The following AMOTL2 variants were observed in gnomAD, a reference collection of about 807,000 sequenced individuals.
AMOTL2 encodes the protein angiomotin-like protein 2.
In AMOTL2, 33 loss-of-function variants were observed where a neutral mutation model predicts 78.4. That is an observed-to-expected ratio of 0.42 (90% CI 0.32 to 0.56). The LOEUF (loss-of-function observed/expected upper bound fraction) is 0.56, where lower values mean the gene tolerates loss of function less well. Among genes scored for constraint, AMOTL2 ranks in the 20% least tolerant of loss-of-function variants. AMOTL2 has a pLI of 0.12. For synonymous variants in AMOTL2, 422 were observed against 428.8 expected (o/e 0.98, Z 0.20); for missense variants, 983 against 1,030.1 (o/e 0.95, Z 0.63).
chr3:134,373,511 C>T (rs2017959527), intron 1 of AMOTL2: 1 of 985,572 alleles, frequency 1.0e-6, no homozygotes, highest in Non-Finnish European at 1.2e-6. Flanking sequence ...CCCCCGGCCG[C>T]GAACCTCTGC....
chr3:134,356,669 A>T lies in AMOTL2; in HGVS notation c.*1036T>A, dbSNP rs2017094059. On this transcript the variant is annotated 3_prime_UTR_variant, in exon 10 of 10. Coordinates refer to ENST00000249883, the MANE Select transcript of AMOTL2 (RefSeq NM_016201.4). ...ACACTTATGCTAACAAGACATCTCC[A>T]GTTTCTCAGAAAGAACTGGTACCGG... is the stretch of plus-strand genomic sequence containing the variant. 6.6e-6 allele frequency: 1 copy of T among 152,582 alleles called. No homozygotes were observed. The highest frequency in any genetic ancestry group is 6.5e-5 in the Admixed American group (1 of 15,270). The allele number at this position is 152,582 out of a possible 1,614,324, so 9.5% of individuals were successfully genotyped here.
At chr3:134,374,639 G>A (rs1576592212), upstream of AMOTL2, 2 of 985,218 alleles carry the variant, frequency 2.0e-6, no homozygotes, top group South Asian at 4.7e-5. Context: ...CCTCCGGGGA[G>A]GCGGCGCTGC....
Position 134,361,519 on chromosome 3 carries a change from G to A in AMOTL2, c.1568C>T (p.Ala523Val), listed in dbSNP as rs756267953. ...GAGACTTTCTCAGCTCACCTGCTGT[G>A]CACGCAGGGCCTTGAGTTCCTGCTC... ...RLEQELKALR[A>V]QQRQAGAPGG... The change falls in exon 6 of 10, where the codon GCA becomes GTA. Residue 523 changes from alanine (A) to valine (V), a missense_variant. By Grantham distance (64) the Ala-to-Val change is moderately conservative. Transcript: ENST00000249883. 18 of 1,608,578 alleles carry A rather than the reference G, an allele frequency of 1.1e-5. No individual in the cohort carries two copies. The highest frequency in any genetic ancestry group is 1.5e-5 in the Non-Finnish European group (18 of 1,177,260).
Position 134,359,264 on chromosome 3 carries a change from A to G in AMOTL2, c.2104+19T>C. 6.2e-7 allele frequency: 1 copy of G among 1,612,740 alleles called. No homozygotes were observed. The highest frequency in any genetic ancestry group is 8.5e-7 in the Non-Finnish European group (1 of 1,178,758). On this transcript the variant is annotated intron_variant, in intron 8 of 9. Transcript: ENST00000249883. ...GAGAAATTACCTCTCAATCTATCCC[A>G]GCAGTAGCCTCCTCTTACCTGTAGT...
chr3:134,365,297 G>C (rs765879061), intron 5 of AMOTL2, among the ~76,000 whole-genome samples: 1 of 152,184 alleles, frequency 6.6e-6, no homozygotes, highest in Non-Finnish European at 1.5e-5. Flanking sequence ...AGACCGCCCC[G>C]TTTAGAATGC....
chr3:134,367,371 G>A, intron 3 of AMOTL2, 126 bp downstream of exon 3: 1 of 1,144,292 alleles, frequency 8.7e-7, no homozygotes, highest in Non-Finnish European at 1.2e-6. Context: ...GGAAGACAGA[G>A]GGATAGGGAG....
At chr3:134,359,207 G>A (rs1170001211) in intron 8 of AMOTL2, 76 bp downstream of exon 8, 7 of 1,522,364 alleles carry the variant, frequency 4.6e-6, no homozygotes, top group African/African-American at 2.7e-5. Context: ...AGTTCTGGGA[G>A]GAAAGGTCTG....
In AMOTL2 at chr3:134,361,657, C is replaced by T. The variant is rs747545396; in HGVS notation, c.1430G>A (p.Arg477His). ...GRAARAEEEL[R>H]KKQAYVEKVE... ...TTTCTCCACATAGGCCTGCTTCTTG[C>T]GCAGCTCCTCTTCGGCTCGAGCTGC... The change falls in exon 6 of 10, where the codon CGC becomes CAC. Residue 477 changes from arginine to histidine, a missense_variant. Transcript: ENST00000249883. 1.6e-5 allele frequency: 25 copies of T among 1,612,376 alleles called. No individual in the cohort carries two copies. The South Asian group carries it at 1.8e-4, about 11-fold the overall frequency.
intron 4 of AMOTL2, 106 bp downstream of exon 4, chr3:134,366,177 T>C (rs76957034): frequency 6.8e-7 from 1 of 1,463,420 alleles, no homozygotes; most frequent in Non-Finnish European, 9.3e-7. Flanking sequence ...TCTGAGTTCA[T>C]CTGCACTTTT....
intron 6 of AMOTL2, among the ~76,000 whole-genome samples, chr3:134,360,633 C>T (rs1177307250): frequency 1.3e-5 from 2 of 152,206 alleles, no homozygotes; most frequent in Admixed American, 6.5e-5. Flanking sequence ...GACAGATAAT[C>T]CTCCAAACTG....
intron 5 of AMOTL2, among the ~76,000 whole-genome samples, chr3:134,363,349 G>A (rs555689833): frequency 3.9e-5 from 6 of 152,280 alleles, no homozygotes; most frequent in South Asian, 4.1e-4. Flanking sequence ...TTCATACTTC[G>A]CTGGCTTAAC....
rs779922451 is a variant in AMOTL2, at chr3:134,367,898, G to A, written c.735-95C>T. The A allele has an allele frequency of 7.2e-6, 7 of 972,958 alleles. No individual in the cohort carries two copies. In the East Asian group the frequency reaches 8.1e-5, roughly 11 times the overall value. The allele number at this position is 972,958 out of a possible 1,614,324, so 60.3% of individuals were successfully genotyped here. On this transcript the variant is annotated intron_variant, in intron 2 of 9. Coordinates refer to ENST00000249883, the MANE Select transcript of AMOTL2 (RefSeq NM_016201.4). ...GTCACCCCACTCCTAGGCATACTGG[G>A]AAGATGGTTAATTATTATCAATAAT... is the stretch of plus-strand genomic sequence containing the variant.
intron 1 of AMOTL2, 148 bp from the exon 2 acceptor site, chr3:134,371,642 C>T (rs966827634): frequency 7.7e-7 from 1 of 1,305,228 alleles, no homozygotes; most frequent in East Asian, 2.6e-5. Context: ...AGCCTGGGTT[C>T]AAGTACCAGT....
intron 6 of AMOTL2, among the ~76,000 whole-genome samples, chr3:134,360,820 A>G (rs2017322969): frequency 6.6e-6 from 1 of 152,206 alleles, no homozygotes; most frequent in African/African-American, 2.4e-5. Context: ...GTCCGAAGTG[A>G]GGCTAAGCAC....
At position 134,367,745 on chromosome 3, in the gene AMOTL2, G is replaced by C. The variant is rs1213562094; in HGVS notation, c.793C>G (p.Leu265Val). The C allele has an allele frequency of 1.2e-6, 2 of 1,613,704 alleles. No homozygotes were observed. Among genetic ancestry groups the C allele is most frequent in the Non-Finnish European group, 8.5e-7 (1 of 1,180,024 alleles). Residue 265 changes from leucine (L) to valine (V), a missense_variant, in exon 3 of 10, where the codon CTG becomes GTG. Leu to Val is a conservative substitution (Grantham distance 32). Transcript: ENST00000249883. ...FLQQQQQYQY[L>V]QQSQEHPPPP... The stretch of plus-strand genomic sequence containing the variant: ...GGGGGGTGCTCCTGAGATTGCTGCA[G>C]GTACTGGTACTGCTGCTGCTGTTGG...
At chr3:134,366,257 C>T in intron 4 of AMOTL2, 26 bp downstream of exon 4, 2 of 1,611,204 alleles carry the variant, frequency 1.2e-6, no homozygotes, top group East Asian at 4.5e-5. Context: ...GGTTCTCCAA[C>T]CTCCACCTGT....
At chr3:134,359,796 T>C (rs960753758) in intron 7 of AMOTL2, among the ~76,000 whole-genome samples, 1 of 152,140 alleles carries the variant, frequency 6.6e-6, no homozygotes, top group Non-Finnish European at 1.5e-5. Context: ...ATTCATCAGA[T>C]GATAGTGGCG....
intron 1 of AMOTL2, 103 bp downstream of exon 1, chr3:134,374,238 TC>T (rs2017999973): frequency 2.0e-6 from 2 of 985,256 alleles, no homozygotes; most frequent in Non-Finnish European, 2.4e-6. Flanking sequence ...TCCTCGAGGC[TC>T]CGACTCCCGG....
At chr3:134,359,557 C>T in intron 7 of AMOTL2, 54 bp from the exon 8 acceptor site, 1 of 1,453,920 alleles carries the variant, frequency 6.9e-7, no homozygotes, top group Non-Finnish European at 9.5e-7. Flanking sequence ...CCAACAGCCT[C>T]CACCCTTCCT....
Sources: gnomAD v4.1 joint callset for allele counts (sites outside exome capture counted in the v4.1 genomes callset) on GRCh38, gnomAD v4.1.1 for gene constraint, MANE v1.5 for transcripts, NCBI Gene and HGNC (gene_info 2026-07-23, HGNC 2026-07-21) for gene names.